Variants in DLC1 observed in about 807,000 individuals in gnomAD.
DLC1 encodes DLC1 Rho GTPase activating protein.
In DLC1, 54 loss-of-function variants were observed where a neutral mutation model predicts 140.3. That is an observed-to-expected ratio of 0.38 (90% confidence interval 0.31 to 0.48). The LOEUF (loss-of-function observed/expected upper bound fraction) is 0.48. DLC1 is among the 20% of genes least tolerant of loss of function. The pLI, the probability that DLC1 is intolerant of heterozygous loss-of-function variation, is 0.96. For missense variants in DLC1, 2,536 were observed against 1,907.0 expected (o/e 1.33, Z -6.14); for synonymous variants, 986 against 728.1 (o/e 1.35, Z -5.70).
intron 5 of DLC1, among the ~76,000 whole-genome samples, chr8:13,298,851 C>T (rs961363122): frequency 6.6e-6 from 1 of 152,050 alleles, no homozygotes; most frequent in African/African-American, 2.4e-5. Context: ...CACTTGTACC[C>T]CCTGAATAAA....
chr8:13,526,161 T>C (rs1802916158), intron 1 of DLC1, among the ~76,000 whole-genome samples: 1 of 152,212 alleles, frequency 6.6e-6, no homozygotes, highest in African/African-American at 2.4e-5. Context: ...CTCTATTCCA[T>C]TCTCTTAATC....
chr8:13,571,334 A>G (rs1804646497), intron 1 of DLC1, among the ~76,000 whole-genome samples: 1 of 152,094 alleles, frequency 6.6e-6, no homozygotes, highest in African/African-American at 2.4e-5. Flanking sequence ...ATCACCTCAA[A>G]CAGAAACTCA....
chr8:13,345,547 CTTT>C (rs535092622), intron 4 of DLC1, among the ~76,000 whole-genome samples: 97 of 67,516 alleles, frequency 1.4e-3, no homozygotes, highest in South Asian at 4.8e-3. Flanking sequence ...TTCACTCACA[CTTT>C]TTTTTTTTTT....
intron 5 of DLC1, chr8:13,214,184 T>C (rs1828079628): frequency 6.3e-6 from 1 of 158,224 alleles, no homozygotes; most frequent in African/African-American, 2.4e-5. Flanking sequence ...ACACAACAAA[T>C]TGCAAGTTGA....
chr8:13,570,796 T>C (rs1210583421), intron 1 of DLC1, among the ~76,000 whole-genome samples: 1 of 152,156 alleles, frequency 6.6e-6, no homozygotes, highest in Non-Finnish European at 1.5e-5. Context: ...TATTGTCCTG[T>C]CTTTATGACT....
In DLC1 at chr8:13,104,301, A is replaced by T. The variant is rs183955863; in HGVS notation, c.1503-1448T>A. ...ACTTTCACCTCTGCCAAACAGCAAT[A>T]TCAATTTAAAATTAGGGAAATTTAG... is the stretch of plus-strand genomic sequence containing the variant. On this transcript the variant is annotated intron_variant, in intron 7 of 17. Coordinates refer to ENST00000276297, the MANE Select transcript of DLC1 (RefSeq NM_182643.3). Among the ~76,000 whole-genome samples, 3 of 152,068 alleles carry T rather than the reference A, an allele frequency of 2.0e-5. No individual in the cohort carries two copies. The East Asian group carries it at 5.8e-4, about 29-fold the overall frequency.
intron 3 of DLC1, among the ~76,000 whole-genome samples, chr8:13,396,937 C>T (rs1212027914): frequency 6.6e-6 from 1 of 150,904 alleles, no homozygotes; most frequent in East Asian, 2.0e-4. Flanking sequence ...TTCCCTGTTA[C>T]CCGCCCCCCC....
intron 5 of DLC1, among the ~76,000 whole-genome samples, chr8:13,159,680 C>T (rs1263920397): frequency 3.3e-5 from 5 of 152,064 alleles, no homozygotes; most frequent in Non-Finnish European, 1.5e-5. Context: ...CACACATGTC[C>T]ACCGTCTCTC....
intron 1 of DLC1, among the ~76,000 whole-genome samples, chr8:13,572,075 G>GTTT (rs1804671799): frequency 7.3e-6 from 1 of 137,136 alleles, no homozygotes; most frequent in Non-Finnish European, 1.6e-5. Context: ...TGAGTTTCAG[G>GTTT]ATTATTATTA....
intron 5 of DLC1, among the ~76,000 whole-genome samples, chr8:13,130,434 C>T (rs1284465802): frequency 6.6e-6 from 1 of 152,200 alleles, no homozygotes; most frequent in Non-Finnish European, 1.5e-5. Flanking sequence ...ACCCAAACAC[C>T]TCTTTTAATG....
chr8:13,587,448 C>T (rs962882404), intron 1 of DLC1, among the ~76,000 whole-genome samples: 12 of 151,326 alleles, frequency 7.9e-5, no homozygotes, highest in South Asian at 6.3e-4. Flanking sequence ...ATTACATGTA[C>T]GATTCTCTTT....
chr8:13,513,818 C>A (rs78922719), intron 1 of DLC1, among the ~76,000 whole-genome samples: 7,536 of 152,156 alleles, frequency 0.05, 309 homozygotes, highest in East Asian at 0.17. Flanking sequence ...TTCCATATGA[C>A]TGGAGTGATT....
At chr8:13,361,207 G>T (rs1253677743) in intron 4 of DLC1, among the ~76,000 whole-genome samples, 2 of 152,110 alleles carry the variant, frequency 1.3e-5, no homozygotes, top group Non-Finnish European at 2.9e-5. Context: ...ACTCCAGCCT[G>T]GGCGACGGAG....
intron 1 of DLC1, among the ~76,000 whole-genome samples, chr8:13,570,790 G>T (rs1804625097): frequency 6.6e-6 from 1 of 151,922 alleles, no homozygotes; most frequent in Non-Finnish European, 1.5e-5. Context: ...AAATTTTATT[G>T]TCCTGTCTTT....
Position 13,460,108 on chromosome 8 carries a change from C to T in DLC1, c.1023+38941G>A, listed in dbSNP as rs944314846. Among the ~76,000 whole-genome samples the T allele has an allele frequency of 3.3e-5, 5 of 152,280 alleles. No homozygotes were observed. In the East Asian group the frequency reaches 9.7e-4, roughly 29 times the overall value. ...AGTGTTAGGAACTCAATAAAGCTCT[C>T]GATCAAGAATGGTTGAGCACATGAG... On this transcript the variant is annotated intron_variant, in intron 2 of 17. Coordinates refer to ENST00000276297, the MANE Select transcript of DLC1 (RefSeq NM_182643.3).
At chr8:13,324,848 CGT>C (rs149986387) in intron 4 of DLC1, among the ~76,000 whole-genome samples, 42 of 151,264 alleles carry the variant, frequency 2.8e-4, no homozygotes, top group Middle Eastern at 3.4e-3. Flanking sequence ...GAAGGTGTTT[CGT>C]GTGTGTGTGT....
chr8:13,452,136 T>C (rs62492207), intron 2 of DLC1, among the ~76,000 whole-genome samples: 41,156 of 151,492 alleles, frequency 0.27, 6,899 homozygotes, highest in Middle Eastern at 0.4. Context: ...ACTAGCAACA[T>C]TTGAAGAGTT....
chr8:13,238,418 C>T (rs1002968771), intron 5 of DLC1, among the ~76,000 whole-genome samples: 14 of 151,766 alleles, frequency 9.2e-5, no homozygotes, highest in Admixed American at 3.9e-4. Flanking sequence ...GGAGGTGAGG[C>T]AGGAGAATCA....
intron 5 of DLC1, chr8:13,133,607 C>G (rs952059464): frequency 6.6e-6 from 1 of 151,578 alleles, no homozygotes; most frequent in African/African-American, 2.4e-5. Context: ...CGGGCCTCCA[C>G]GTTCCCAGCG....
Sources: allele counts gnomAD v4.1 joint callset (sites outside exome capture counted in the v4.1 genomes callset), GRCh38; gene constraint gnomAD v4.1.1; transcripts MANE v1.5; gene names NCBI Gene and HGNC (gene_info 2026-07-23, HGNC 2026-07-21).